SLC2A13: variants seen among roughly 807,000 people sequenced by gnomAD.
SLC2A13 encodes the protein solute carrier family 2 member 13, also known as proton myo-inositol cotransporter.
A neutral mutation model predicts 64.4 loss-of-function variants in SLC2A13; 32 were observed. The ratio of observed to expected loss-of-function variants is 0.50; its 90% CI spans 0.37 to 0.67. The LOEUF (loss-of-function observed/expected upper bound fraction) is 0.67, where lower values mean the gene tolerates loss of function less well. SLC2A13 is among the 30% of genes least tolerant of loss of function. The pLI is 0.00. For synonymous variants in SLC2A13, 338 were observed against 327.1 expected (o/e 1.03, Z -0.36); for missense variants, 743 against 829.2 (o/e 0.90, Z 1.28).
At position 39,781,423 on chromosome 12, in the gene SLC2A13, C is replaced by T. The variant is rs187887074; in HGVS notation, c.1446-16565G>A. On this transcript the variant is annotated intron_variant, in intron 7 of 9. Transcript: ENST00000280871. ...CCAGCCTTCCACAGCACCTCCTCCA[C>T]GTCACCTGCCATTGTCACCACTATG... Among the ~76,000 whole-genome samples, 562 of 152,312 alleles carry T rather than the reference C, an allele frequency of 3.7e-3. 4 individuals carry two copies. The highest frequency in any genetic ancestry group is 0.013 in the African/African-American group (526 of 41,562).
intron 1 of SLC2A13, among the ~76,000 whole-genome samples, chr12:40,078,777 T>C (rs969895880): frequency 1.3e-5 from 2 of 152,184 alleles, no homozygotes; most frequent in Admixed American, 1.3e-4. Flanking sequence ...TTTTACTGGT[T>C]GGTAGGTTTT....
chr12:39,921,184 A>C (rs1945609622), intron 4 of SLC2A13, among the ~76,000 whole-genome samples: 1 of 152,096 alleles, frequency 6.6e-6, no homozygotes, highest in Non-Finnish European at 1.5e-5. Flanking sequence ...TCTGAGGGTA[A>C]GAATTACATT....
In SLC2A13 at chr12:40,102,431, A is replaced by AT. The variant is rs541710155; in HGVS notation, c.556+2821dup. ...CTACCCGACCAGCAATGGAATTTGG[A>AT]TTTTTTTTTTTCGTTTTTGCTCACC... is the stretch of plus-strand genomic sequence containing the variant. On this transcript the variant is annotated intron_variant, in intron 1 of 9. Transcript: ENST00000280871. 3.0e-3 allele frequency among the ~76,000 whole-genome samples: 447 copies of AT among 148,966 alleles called. 2 individuals are homozygous for AT. Among genetic ancestry groups the AT allele is most frequent in the African/African-American group, 9.4e-3 (382 of 40,792 alleles).
At chr12:39,854,842 C>T (rs1943564899) in intron 6 of SLC2A13, among the ~76,000 whole-genome samples, 1 of 152,192 alleles carries the variant, frequency 6.6e-6, no homozygotes, top group South Asian at 2.1e-4. Flanking sequence ...CGCTTTTGCA[C>T]AGTTCGCTGT....
chr12:39,850,205 G>A (rs1943430807), intron 6 of SLC2A13, among the ~76,000 whole-genome samples: 1 of 152,122 alleles, frequency 6.6e-6, no homozygotes, highest in African/African-American at 2.4e-5. Flanking sequence ...AACCGAAAAG[G>A]AGTTAGTACT....
At chr12:40,096,177 CCT>C (rs1400583605) in intron 1 of SLC2A13, among the ~76,000 whole-genome samples, 1 of 151,898 alleles carries the variant, frequency 6.6e-6, no homozygotes, top group African/African-American at 2.4e-5. Flanking sequence ...AATCCACCCG[CCT>C]CAGCCTCCCA....
At chr12:39,951,194 C>T (rs774939370) in intron 4 of SLC2A13, 63 bp downstream of exon 4, 22 of 1,378,410 alleles carry the variant, frequency 1.6e-5, no homozygotes, top group Non-Finnish European at 2.1e-5. Flanking sequence ...ATACTTTTCA[C>T]TATTTCACAT....
chr12:40,063,319 C>T (rs1948455581), intron 1 of SLC2A13, among the ~76,000 whole-genome samples: 1 of 152,062 alleles, frequency 6.6e-6, no homozygotes, highest in Non-Finnish European at 1.5e-5. Flanking sequence ...TACTTTCTTT[C>T]ACAAGGAGTG....
At position 39,927,733 on chromosome 12, in the gene SLC2A13, C is replaced by T. The variant is rs542516545; in HGVS notation, c.1034+23524G>A. ...ATTCAGAAATTTTTATTTTAAGAGG[C>T]ATTTACAAAAGCTACAGGATATGCT... On this transcript the variant is annotated intron_variant, in intron 4 of 9. Coordinates refer to ENST00000280871, the MANE Select transcript of SLC2A13 (RefSeq NM_052885.4). Among the ~76,000 whole-genome samples the T allele has an allele frequency of 1.5e-4, 23 of 152,168 alleles. No individual in the cohort carries two copies. The South Asian group carries it at 3.7e-3, about 25-fold the overall frequency.
At chr12:40,079,789 G>A (rs1430223781) in intron 1 of SLC2A13, among the ~76,000 whole-genome samples, 14 of 152,160 alleles carry the variant, frequency 9.2e-5, no homozygotes, top group Non-Finnish European at 7.3e-5. Context: ...CACCAGTGTT[G>A]GGTGCAAATA....
intron 6 of SLC2A13, among the ~76,000 whole-genome samples, chr12:39,863,376 C>T (rs899616305): frequency 2.3e-4 from 35 of 152,108 alleles, no homozygotes; most frequent in African/African-American, 8.0e-4. Flanking sequence ...TTTCCTATAT[C>T]AGAAGTTCAA....
In SLC2A13 at chr12:39,895,769, TGTATATGCGTGTATACGTACACAC is replaced by T. The variant is rs1565526361; in HGVS notation, c.1035-23832_1035-23809del. Among the ~76,000 whole-genome samples the T allele has an allele frequency of 2.4e-4, 23 of 97,626 alleles. 7 individuals are homozygous for T. Among genetic ancestry groups the T allele is most frequent in the East Asian group, 5.5e-4 (2 of 3,652 alleles). The allele number at this position is 97,626 out of a possible 152,430, so 64.0% of individuals were successfully genotyped here. Reference sequence around the variant, plus strand: ...GTATATGCGTGTATACGTACACACATGTATATGCGTGTATACGTACACACATGTATATGCGTGTATACGTACACA... The same window carrying T: ...GTATATGCGTGTATACGTACACACATATGTATATGCGTGTATACGTACACA... On this transcript the variant is annotated intron_variant, in intron 4 of 9. Coordinates refer to ENST00000280871, the MANE Select transcript of SLC2A13 (RefSeq NM_052885.4).
At chr12:39,803,133 A>C (rs1057422042) in intron 7 of SLC2A13, among the ~76,000 whole-genome samples, 1 of 151,832 alleles carries the variant, frequency 6.6e-6, no homozygotes, top group African/African-American at 2.4e-5. Context: ...CAGCCATTGT[A>C]AATGTTCCCT....
At chr12:40,061,656 T>G (rs1948425403) in intron 1 of SLC2A13, among the ~76,000 whole-genome samples, 1 of 152,062 alleles carries the variant, frequency 6.6e-6, no homozygotes, top group Non-Finnish European at 1.5e-5. Context: ...GAATTGAACG[T>G]CCACAGAATT....
intron 3 of SLC2A13, among the ~76,000 whole-genome samples, chr12:39,995,766 C>T (rs1565581681): frequency 6.6e-6 from 1 of 152,104 alleles, no homozygotes; most frequent in Admixed American, 6.6e-5. Flanking sequence ...CAGGTATTTT[C>T]CATGCTGTTC....
At chr12:39,808,798 A>G (rs1262317858) in intron 7 of SLC2A13, among the ~76,000 whole-genome samples, 3 of 152,084 alleles carry the variant, frequency 2.0e-5, no homozygotes, top group African/African-American at 7.2e-5. Flanking sequence ...AAGTTGTAAG[A>G]ATTCTTTATT....
intron 1 of SLC2A13, among the ~76,000 whole-genome samples, chr12:40,069,894 T>C (rs1316562968): frequency 1.3e-5 from 2 of 152,126 alleles, no homozygotes; most frequent in African/African-American, 4.8e-5. Context: ...TTATTTCTTA[T>C]ATACAATCAG....
intron 2 of SLC2A13, among the ~76,000 whole-genome samples, chr12:40,038,824 A>G (rs1275970161): frequency 6.6e-6 from 1 of 152,096 alleles, no homozygotes; most frequent in Non-Finnish European, 1.5e-5. Context: ...TAATATGTAT[A>G]GTGCAATTGT....
chr12:39,993,212 T>C (rs1369790742), intron 3 of SLC2A13, among the ~76,000 whole-genome samples: 1 of 152,232 alleles, frequency 6.6e-6, no homozygotes. Flanking sequence ...TTTTTAGATA[T>C]ACATAAATAG....
Sources: gnomAD v4.1 joint callset for allele counts (sites outside exome capture counted in the v4.1 genomes callset) on GRCh38, gnomAD v4.1.1 for gene constraint, MANE v1.5 for transcripts, NCBI Gene and HGNC (gene_info 2026-07-23, HGNC 2026-07-21) for gene names.